The following PCDH15 variants were observed in gnomAD, a reference collection of about 807,000 sequenced individuals.
PCDH15 encodes protocadherin-15.
A neutral mutation model predicts 178.5 loss-of-function variants in PCDH15; 129 were observed. The ratio of observed to expected loss-of-function variants is 0.72; its 90% confidence interval spans 0.63 to 0.84. The LOEUF (loss-of-function observed/expected upper bound fraction) is 0.84, where lower values mean the gene tolerates loss of function less well. PCDH15 is among the 40% of genes least tolerant of loss of function. The pLI is 0.00. For missense variants in PCDH15, 2,230 were observed against 2,099.9 expected (o/e 1.06, Z -1.21); for synonymous variants, 800 against 732.0 (o/e 1.09, Z -1.50).
At chr10:54,926,733 T>C (rs1837637821) in intron 2 of PCDH15, among the ~76,000 whole-genome samples, 1 of 152,254 alleles carries the variant, frequency 6.6e-6, no homozygotes, top group East Asian at 1.9e-4. Context: ...TTCTAGTTTA[T>C]GTGCACAGAT....
intron 1 of PCDH15, among the ~76,000 whole-genome samples, chr10:54,699,922 T>C (rs2095285812): frequency 6.6e-6 from 1 of 152,096 alleles, no homozygotes; most frequent in African/African-American, 2.4e-5. Context: ...AGCTATGCCT[T>C]AATGATTATA....
chr10:55,201,406 GA>G (rs916606502), intron 1 of PCDH15, among the ~76,000 whole-genome samples: 8 of 152,082 alleles, frequency 5.3e-5, no homozygotes, highest in Admixed American at 1.3e-4. Context: ...ATTGAGGGGG[GA>G]AAAAACCCAA....
chr10:55,274,647 C>T (rs34880151), intron 1 of PCDH15, among the ~76,000 whole-genome samples: 7 of 151,986 alleles, frequency 4.6e-5, no homozygotes, highest in Non-Finnish European at 7.3e-5. Flanking sequence ...TTTCTTATAC[C>T]GTGTATTAAA....
chr10:54,197,792 T>C (rs549706368), intron 10 of PCDH15, among the ~76,000 whole-genome samples: 40 of 152,212 alleles, frequency 2.6e-4, no homozygotes, highest in Non-Finnish European at 5.4e-4. Context: ...TATATTTTCC[T>C]TCATATTATT....
intron 2 of PCDH15, among the ~76,000 whole-genome samples, chr10:55,478,378 C>A (rs1840105080): frequency 6.6e-6 from 1 of 151,480 alleles, no homozygotes; most frequent in African/African-American, 2.4e-5. Flanking sequence ...GAAAATTAAC[C>A]AGCATAACTT....
intron 1 of PCDH15, among the ~76,000 whole-genome samples, chr10:55,169,141 A>G (rs1475596882): frequency 6.6e-6 from 1 of 152,190 alleles, no homozygotes; most frequent in Non-Finnish European, 1.5e-5. Context: ...AACTACTTCA[A>G]TATTAGCTAG....
intron 2 of PCDH15, among the ~76,000 whole-genome samples, chr10:55,148,038 T>C (rs1838579128): frequency 6.6e-6 from 1 of 151,914 alleles, no homozygotes; most frequent in Admixed American, 6.6e-5. Flanking sequence ...TTGCTCCATT[T>C]AATCATGTCC....
At chr10:55,403,528 T>G (rs1838124832) in intron 2 of PCDH15, among the ~76,000 whole-genome samples, 1 of 151,928 alleles carries the variant, frequency 6.6e-6, no homozygotes, top group East Asian at 1.9e-4. Flanking sequence ...TTAATCTATT[T>G]GAGTTGATTT....
chr10:54,848,578 C>T (rs1021877182), intron 3 of PCDH15, among the ~76,000 whole-genome samples: 1 of 151,964 alleles, frequency 6.6e-6, no homozygotes, highest in Non-Finnish European at 1.5e-5. Flanking sequence ...ATGATGCCTC[C>T]TCCATCTTGG....
chr10:55,062,786 A>G (rs1368574981), intron 2 of PCDH15, among the ~76,000 whole-genome samples: 1 of 152,114 alleles, frequency 6.6e-6, no homozygotes, highest in Non-Finnish European at 1.5e-5. Flanking sequence ...CAACATATGT[A>G]CCACTCTAGT....
chr10:54,891,096 A>AC (rs1162577449), intron 3 of PCDH15, among the ~76,000 whole-genome samples: 4 of 152,104 alleles, frequency 2.6e-5, no homozygotes, highest in Non-Finnish European at 4.4e-5. Context: ...GAAATAGAGG[A>AC]CATGGTTGAG....
intron 2 of PCDH15, among the ~76,000 whole-genome samples, chr10:54,563,101 G>A (rs1206500501): frequency 8.6e-5 from 13 of 152,010 alleles, no homozygotes; most frequent in Non-Finnish European, 1.8e-4. Context: ...AAATGATAAA[G>A]GAAATAAAAA....
intron 2 of PCDH15, among the ~76,000 whole-genome samples, chr10:54,993,467 A>T (rs1015188800): frequency 6.6e-6 from 1 of 152,208 alleles, no homozygotes; most frequent in African/African-American, 2.4e-5. Context: ...GACTCTCTTA[A>T]GAAAACATCA....
chr10:54,474,558 G>A (rs180924893), intron 3 of PCDH15, among the ~76,000 whole-genome samples: 21 of 152,072 alleles, frequency 1.4e-4, no homozygotes, highest in African/African-American at 4.3e-4. Context: ...AACACAGCAG[G>A]TTCTCAGGAC....
intron 2 of PCDH15, among the ~76,000 whole-genome samples, chr10:55,052,859 T>C (rs1841201063): frequency 6.6e-6 from 1 of 152,182 alleles, no homozygotes; most frequent in Non-Finnish European, 1.5e-5. Flanking sequence ...AAATCAAAAG[T>C]GACTATGGAT....
At chr10:54,347,603 A>G (rs1342278) in intron 5 of PCDH15, among the ~76,000 whole-genome samples, 8 of 152,072 alleles carry the variant, frequency 5.3e-5, no homozygotes, top group African/African-American at 1.7e-4. Flanking sequence ...GAAACTGAAA[A>G]TTCACATTTT....
intron 2 of PCDH15, among the ~76,000 whole-genome samples, chr10:55,424,960 G>C (rs1417402146): frequency 6.6e-6 from 1 of 151,708 alleles, no homozygotes; most frequent in Non-Finnish European, 1.5e-5. Context: ...TTTGCAACTA[G>C]ATGGAAAATG....
At chr10:54,677,827 T>A (rs910635528) in intron 1 of PCDH15, among the ~76,000 whole-genome samples, 46 of 152,320 alleles carry the variant, frequency 3.0e-4, no homozygotes, top group African/African-American at 1.1e-3. Context: ...TGCAATAGTT[T>A]AAAGCCTTGG....
At chr10:53,974,344 C>G (rs567488659) in intron 21 of PCDH15, among the ~76,000 whole-genome samples, 2 of 152,174 alleles carry the variant, frequency 1.3e-5, no homozygotes, top group East Asian at 3.9e-4. Context: ...AAACAAATCT[C>G]TAGGGGCTTT....
Sources: gnomAD v4.1 joint callset for allele counts (sites outside exome capture counted in the v4.1 genomes callset) on GRCh38, gnomAD v4.1.1 for gene constraint, MANE v1.5 for transcripts, NCBI Gene and HGNC (gene_info 2026-07-23, HGNC 2026-07-21) for gene names.